Variants in SPAG16 observed in about 807,000 individuals in gnomAD.
SPAG16 encodes the protein sperm associated antigen 16.
Under a neutral mutation model 80.4 loss-of-function variants are expected in SPAG16, and 86 were observed. The ratio of observed to expected loss-of-function variants is 1.07; its 90% CI spans 0.90 to 1.28. The LOEUF (loss-of-function observed/expected upper bound fraction) is 1.28. Among genes scored for constraint, SPAG16 ranks in the 50% most tolerant of loss-of-function variants. The pLI is 0.00. For missense variants in SPAG16, 870 were observed against 765.3 expected, an observed-to-expected ratio of 1.14 and a Z score of -1.61; for synonymous variants, 294 against 265.9, an observed-to-expected ratio of 1.11 and a Z score of -1.03.
chr2:213,683,640 A>G (rs2064507668), intron 10 of SPAG16, among the ~76,000 whole-genome samples: 1 of 152,140 alleles, frequency 6.6e-6, no homozygotes, highest in Admixed American at 6.5e-5. Context: ...ATTGAAATAC[A>G]TTCTGTTCTT....
At chr2:214,008,369 T>C (rs1196274516) in intron 12 of SPAG16, among the ~76,000 whole-genome samples, 1 of 152,210 alleles carries the variant, frequency 6.6e-6, no homozygotes, top group Non-Finnish European at 1.5e-5. Context: ...TGTTCTGTTC[T>C]ATGTATTTTT....
intron 8 of SPAG16, among the ~76,000 whole-genome samples, chr2:213,366,098 C>T (rs1168117315): frequency 1.4e-5 from 2 of 145,836 alleles, no homozygotes; most frequent in African/African-American, 2.5e-5. Context: ...GCCGAGATCC[C>T]GCCACTGCAC....
At chr2:213,314,426 T>C (rs954082569) in intron 4 of SPAG16, among the ~76,000 whole-genome samples, 1 of 151,776 alleles carries the variant, frequency 6.6e-6, no homozygotes, top group East Asian at 1.9e-4. Context: ...ACATACAAAC[T>C]GAAGCAAACC....
chr2:213,382,401 A>T (rs1210792812), intron 9 of SPAG16, among the ~76,000 whole-genome samples: 1 of 152,182 alleles, frequency 6.6e-6, no homozygotes, highest in Non-Finnish European at 1.5e-5. Context: ...AAAAGTAGTT[A>T]TCAACAAGGT....
At chr2:213,431,572 T>C (rs2070303360) in intron 9 of SPAG16, among the ~76,000 whole-genome samples, 1 of 151,982 alleles carries the variant, frequency 6.6e-6, no homozygotes, top group Admixed American at 6.6e-5. Flanking sequence ...CCTAAATATA[T>C]ATGCACCAAA....
intron 14 of SPAG16, among the ~76,000 whole-genome samples, chr2:214,126,813 A>G (rs1376286109): frequency 6.6e-6 from 1 of 151,848 alleles, no homozygotes; most frequent in African/African-American, 2.4e-5. Flanking sequence ...ATAGTAATTA[A>G]CACATTGCTC....
intron 14 of SPAG16, among the ~76,000 whole-genome samples, chr2:214,148,457 C>T (rs769272289): frequency 1.3e-5 from 2 of 152,096 alleles, no homozygotes; most frequent in African/African-American, 2.4e-5. Context: ...TATCCAATTA[C>T]CTTCTTCCTT....
At chr2:213,543,420 G>A (rs956926201) in intron 10 of SPAG16, among the ~76,000 whole-genome samples, 1 of 151,806 alleles carries the variant, frequency 6.6e-6, no homozygotes. Context: ...GAATGGAAAT[G>A]TTTATTTTTA....
intron 15 of SPAG16, among the ~76,000 whole-genome samples, chr2:214,393,452 T>C (rs77783517): frequency 0.013 from 2,002 of 152,140 alleles, 43 homozygotes; most frequent in African/African-American, 0.045. Flanking sequence ...AGGCAAGATA[T>C]TTATTTAAGT....
At chr2:214,132,002 A>G (rs1368935183) in intron 14 of SPAG16, among the ~76,000 whole-genome samples, 1 of 152,168 alleles carries the variant, frequency 6.6e-6, no homozygotes, top group Non-Finnish European at 1.5e-5. Context: ...CTGGTGGCAG[A>G]TATTGCTAGT....
At chr2:213,602,687 G>C (rs1027900286) in intron 10 of SPAG16, among the ~76,000 whole-genome samples, 5 of 152,142 alleles carry the variant, frequency 3.3e-5, no homozygotes, top group Non-Finnish European at 5.9e-5. Flanking sequence ...CCACCCAAAA[G>C]CTGGCAGAAA....
At chr2:213,309,665 A>C (rs766522065) in intron 3 of SPAG16, among the ~76,000 whole-genome samples, 10 of 152,048 alleles carry the variant, frequency 6.6e-5, no homozygotes, top group Non-Finnish European at 1.5e-4. Flanking sequence ...ATTTATGCTC[A>C]GATAACAGTT....
chr2:214,133,901 G>A (rs2054913290), intron 14 of SPAG16, among the ~76,000 whole-genome samples: 1 of 152,162 alleles, frequency 6.6e-6, no homozygotes, highest in African/African-American at 2.4e-5. Flanking sequence ...GAAGGCTCAA[G>A]TTGAGGAAAA....
chr2:214,157,739 G>C (rs926035986), intron 15 of SPAG16, among the ~76,000 whole-genome samples: 1 of 152,018 alleles, frequency 6.6e-6, no homozygotes. Context: ...ATTTATGATA[G>C]ATTAATATAA....
At chr2:214,310,165 C>CTT (rs3044977) in intron 15 of SPAG16, among the ~76,000 whole-genome samples, 31,070 of 143,586 alleles carry the variant, frequency 0.22, 3,464 homozygotes, top group East Asian at 0.37. Flanking sequence ...TTCTTTCTTT[C>CTT]TTTTTTTTTT....
rs1433924430 is a variant in SPAG16, at chr2:213,966,648, A to C, written c.1400+36503A>C. On this transcript the variant is annotated intron_variant, in intron 12 of 15. Transcript: ENST00000331683. ...TCCTTGCATATTTTCCAAATCTTCTATGGTATACATATATGTCTATAATAA... is the reference window on the plus strand; with the variant it reads ...TCCTTGCATATTTTCCAAATCTTCTCTGGTATACATATATGTCTATAATAA... Among the ~76,000 whole-genome samples, 7 of 152,188 alleles carry C rather than the reference A, an allele frequency of 4.6e-5. No homozygotes were observed. The East Asian group carries it at 1.3e-3, about 29-fold the overall frequency.
At position 214,054,229 on chromosome 2, in the gene SPAG16, C is replaced by T. The variant is rs527465791; in HGVS notation, c.1527+40152C>T. On this transcript the variant is annotated intron_variant, in intron 13 of 15. Transcript: ENST00000331683. ...TTTGCCGTATTGGCCAGGCTGGTCT[C>T]GAACTCCTGACCTCAGGTGATCCGC... 2.2e-4 allele frequency among the ~76,000 whole-genome samples: 34 copies of T among 152,214 alleles called. 1 individual carries two copies. The South Asian group carries it at 6.7e-3, about 30-fold the overall frequency.
chr2:213,426,420 C>T (rs958216098), intron 9 of SPAG16, among the ~76,000 whole-genome samples: 61 of 151,894 alleles, frequency 4.0e-4, no homozygotes, highest in Admixed American at 1.9e-3. Flanking sequence ...ATTTATATCT[C>T]TAATTTATCT....
chr2:214,271,560 G>A (rs2125893332), intron 15 of SPAG16, among the ~76,000 whole-genome samples: 1 of 152,256 alleles, frequency 6.6e-6, no homozygotes, highest in African/African-American at 2.4e-5. Flanking sequence ...CAGCACTTTG[G>A]GAGGCCAAGG....
Sources: allele counts gnomAD v4.1 joint callset (sites outside exome capture counted in the v4.1 genomes callset), GRCh38; gene constraint gnomAD v4.1.1; transcripts MANE v1.5; gene names NCBI Gene and HGNC (gene_info 2026-07-23, HGNC 2026-07-21).